Variants in ADAMTS16 observed in about 807,000 individuals in gnomAD.
ADAMTS16 encodes the protein A disintegrin and metalloproteinase with thrombospondin motifs 16.
A neutral mutation model predicts 145.8 loss-of-function variants in ADAMTS16; 94 were observed. The observed-to-expected ratio is 0.64, with a 90% CI of 0.55 to 0.77. The LOEUF is 0.77. Ranked by LOEUF, ADAMTS16 falls within the 30% of genes least tolerant of loss-of-function variation. ADAMTS16 has a pLI of 0.00. For missense variants in ADAMTS16, 1,585 were observed against 1,591.5 expected (o/e 1.00, Z 0.07); for synonymous variants, 659 against 604.3 (o/e 1.09, Z -1.33).
chr5:5,297,854 T>C (rs6859677), intron 18 of ADAMTS16, among the ~76,000 whole-genome samples: 9,168 of 152,298 alleles, frequency 0.06, 482 homozygotes, highest in African/African-American at 0.15. Context: ...TGTGTCTGGC[T>C]CATTGTAAAT....
At chr5:5,211,935 G>A (rs1736280157) in intron 10 of ADAMTS16, among the ~76,000 whole-genome samples, 1 of 151,900 alleles carries the variant, frequency 6.6e-6, no homozygotes, top group Non-Finnish European at 1.5e-5. Context: ...GAAATGTATT[G>A]ACACATATTT....
intron 4 of ADAMTS16, among the ~76,000 whole-genome samples, chr5:5,185,387 TG>T (rs1331373787): frequency 1.3e-5 from 2 of 152,224 alleles, no homozygotes; most frequent in African/African-American, 4.8e-5. Flanking sequence ...TTGTTTTCAA[TG>T]TAGTGTTAAC....
At chr5:5,180,204 A>G (rs1010716558) in intron 3 of ADAMTS16, among the ~76,000 whole-genome samples, 3 of 152,150 alleles carry the variant, frequency 2.0e-5, no homozygotes, top group South Asian at 2.1e-4. Context: ...GCAGCTGAGA[A>G]TACCTAGTGA....
At chr5:5,146,075 G>T (rs947542995) in intron 2 of ADAMTS16, 55 bp from the exon 3 acceptor site, 1 of 1,480,834 alleles carries the variant, frequency 6.8e-7, no homozygotes, top group African/African-American at 1.4e-5. Context: ...AAGACTTCCT[G>T]ATTCTTCTCG....
chr5:5,272,445 G>A (rs1396472559), intron 18 of ADAMTS16, among the ~76,000 whole-genome samples: 2 of 146,946 alleles, frequency 1.4e-5, no homozygotes, highest in Non-Finnish European at 1.5e-5. Context: ...CACTGCAAGC[G>A]CCGCCTCCCG....
intron 11 of ADAMTS16, among the ~76,000 whole-genome samples, chr5:5,225,205 T>TTCCAAAG (rs1450821781): frequency 6.6e-6 from 1 of 150,386 alleles, no homozygotes; most frequent in Non-Finnish European, 1.5e-5. Flanking sequence ...AGGTTTACCT[T>TTCCAAAG]TCCAAAGTTG....
At chr5:5,157,522 A>G (rs914304963) in intron 3 of ADAMTS16, among the ~76,000 whole-genome samples, 1 of 152,184 alleles carries the variant, frequency 6.6e-6, no homozygotes, top group Non-Finnish European at 1.5e-5. Flanking sequence ...AATAGTAGTG[A>G]CATGATGCAT....
intron 4 of ADAMTS16, 38 bp from the exon 5 acceptor site, chr5:5,186,014 C>T (rs1409250539): frequency 1.9e-6 from 3 of 1,566,416 alleles, no homozygotes; most frequent in East Asian, 2.3e-5. Flanking sequence ...TTGTGTGTGA[C>T]TTGTGCTTCC....
chr5:5,257,677 GT>G (rs1262415285), intron 17 of ADAMTS16, among the ~76,000 whole-genome samples: 1 of 152,182 alleles, frequency 6.6e-6, no homozygotes, highest in East Asian at 1.9e-4. Context: ...AATTGGTGGG[GT>G]TTTTCCACAC....
intron 3 of ADAMTS16, among the ~76,000 whole-genome samples, chr5:5,149,115 A>G (rs1479632612): frequency 6.6e-6 from 1 of 152,214 alleles, no homozygotes; most frequent in African/African-American, 2.4e-5. Context: ...ACATTTGCAT[A>G]TTAAACCCAA....
intron 10 of ADAMTS16, among the ~76,000 whole-genome samples, chr5:5,210,554 C>T (rs1439755343): frequency 1.3e-5 from 2 of 152,182 alleles, no homozygotes; most frequent in East Asian, 3.9e-4. Context: ...TCAACCCCTC[C>T]CTGACTCCAG....
chr5:5,240,037 G>C, intron 16 of ADAMTS16, 112 bp downstream of exon 16: 4 of 1,485,210 alleles, frequency 2.7e-6, no homozygotes, highest in Non-Finnish European at 1.8e-6. Flanking sequence ...GTTATAAAAA[G>C]AGTGATCCAT....
At chr5:5,163,928 T>C (rs1734800367) in intron 3 of ADAMTS16, among the ~76,000 whole-genome samples, 2 of 152,024 alleles carry the variant, frequency 1.3e-5, no homozygotes, top group Admixed American at 6.6e-5. Context: ...GAGCACAGGG[T>C]GAACAGGAAC....
intron 17 of ADAMTS16, among the ~76,000 whole-genome samples, chr5:5,244,852 T>C (rs2964428): frequency 0.99 from 151,347 of 152,332 alleles, 75,189 homozygotes; most frequent in Middle Eastern, 1. Flanking sequence ...GCGGTGCTCA[T>C]GTTTCATGGC....
intron 21 of ADAMTS16, among the ~76,000 whole-genome samples, chr5:5,315,450 CAA>C (rs34004364): frequency 6.8e-6 from 1 of 147,348 alleles, no homozygotes; most frequent in Non-Finnish European, 1.5e-5. Flanking sequence ...TTAAATGATA[CAA>C]AAAAAAAAAC....
At chr5:5,226,376 T>A (rs1697728335) in intron 11 of ADAMTS16, among the ~76,000 whole-genome samples, 1 of 151,982 alleles carries the variant, frequency 6.6e-6, no homozygotes, top group Admixed American at 6.6e-5. Flanking sequence ...TATAAAACTA[T>A]CAGATCCCAT....
chr5:5,222,343 G>GGATGGATT (rs1553991935), intron 10 of ADAMTS16, among the ~76,000 whole-genome samples: 3 of 151,944 alleles, frequency 2.0e-5, no homozygotes, highest in Non-Finnish European at 4.4e-5. Flanking sequence ...ATGGATGGAT[G>GGATGGATT]GATGGATGGA....
chr5:5,214,570 T>C (rs943462370), intron 10 of ADAMTS16, among the ~76,000 whole-genome samples: 10 of 152,228 alleles, frequency 6.6e-5, no homozygotes, highest in Admixed American at 6.5e-4. Context: ...GCCTGGCTAA[T>C]TTTTTGTATT....
chr5:5,320,177 G>A lies in ADAMTS16; in HGVS notation c.*1039G>A. ...GGGTGGGAATCTGCCCGGCGTCTCTGGCACCCTCCCTGCCATCCTCAGTGC... is the reference window on the plus strand; with the variant it reads ...GGGTGGGAATCTGCCCGGCGTCTCTAGCACCCTCCCTGCCATCCTCAGTGC... On this transcript the variant is annotated 3_prime_UTR_variant, in exon 23 of 23. Coordinates refer to ENST00000274181, the MANE Select transcript of ADAMTS16 (RefSeq NM_139056.4). This position sits in a 1 kb window ranked among gnomAD's most constrained non-coding sequence, Gnocchi z 5.1. 1 of 310,728 alleles carries A rather than the reference G, an allele frequency of 3.2e-6. No individual in the cohort carries two copies. The highest frequency in any genetic ancestry group is 2.6e-5 in the South Asian group (1 of 38,004). 19.2% of individuals were successfully genotyped at this position (310,728 alleles called of 1,614,324 possible).
Sources: allele counts gnomAD v4.1 joint callset (sites outside exome capture counted in the v4.1 genomes callset), GRCh38; gene constraint gnomAD v4.1.1; non-coding constraint Gnocchi (gnomAD v3.1); transcripts MANE v1.5; gene names NCBI Gene and HGNC (gene_info 2026-07-23, HGNC 2026-07-21).